Variants in MRPS5 observed in about 807,000 individuals in gnomAD.
MRPS5 encodes mitochondrial ribosomal protein S5.
Under a neutral mutation model 51.9 loss-of-function variants are expected in MRPS5, and 27 were observed. The ratio of observed to expected loss-of-function variants is 0.52; its 90% CI spans 0.38 to 0.72. The LOEUF (loss-of-function observed/expected upper bound fraction) is 0.72. Ranked by LOEUF, MRPS5 falls within the 30% of genes least tolerant of loss-of-function variation. The pLI, the probability that MRPS5 is intolerant of heterozygous loss-of-function variation, is 0.00. For missense variants in MRPS5, 570 were observed against 545.7 expected (o/e 1.04, Z -0.44); for synonymous variants, 196 against 193.2 (o/e 1.01, Z -0.12).
Position 95,115,223 on chromosome 2 carries a change from A to G in MRPS5, c.140-20T>C. On this transcript the variant is annotated intron_variant, in intron 2 of 11. Transcript: ENST00000272418. ...AATGGCCTGTAGGCAGATGGGTTAA[A>G]CTTTGAGTTAGATGTTTCACAGCTG... 4 of 1,561,664 alleles carry G rather than the reference A, an allele frequency of 2.6e-6. No individual in the cohort carries two copies. The highest frequency in any genetic ancestry group is 3.5e-6 in the Non-Finnish European group (4 of 1,158,440).
chr2:95,108,538 T>C, intron 4 of MRPS5, 130 bp from the exon 5 acceptor site: 2 of 758,162 alleles, frequency 2.6e-6, no homozygotes, highest in Non-Finnish European at 4.1e-6. Flanking sequence ...CATTATTAAC[T>C]TGGTAGGTCA....
At chr2:95,113,646 G>A (rs1676193568) in intron 3 of MRPS5, among the ~76,000 whole-genome samples, 1 of 152,146 alleles carries the variant, frequency 6.6e-6, no homozygotes, top group Non-Finnish European at 1.5e-5. Context: ...ACTGGAATCT[G>A]TAGTTGTGCA....
chr2:95,094,568 G>A (rs1408369731), intron 10 of MRPS5, among the ~76,000 whole-genome samples: 1 of 152,160 alleles, frequency 6.6e-6, no homozygotes, highest in Non-Finnish European at 1.5e-5. Flanking sequence ...GAAGAGAGTG[G>A]GGGCCAATAT....
At chr2:95,109,781 T>G (rs1676061281) in intron 4 of MRPS5, 135 bp downstream of exon 4, 4 of 983,488 alleles carry the variant, frequency 4.1e-6, no homozygotes, top group African/African-American at 3.3e-5. Flanking sequence ...GTAAGTCAAC[T>G]GGTTGAATTC....
rs1413707966 is a variant in MRPS5 at position 95,121,607 on chromosome 2, G to C, written c.58+127C>G. On this transcript the variant is annotated intron_variant, in intron 1 of 11. Transcript: ENST00000272418. ...ACACAGCGGCTCCGGCGGAAGGTGG[G>C]GGCACGGCGTGAAGAGCCGGGGGCC... 5.7e-6 allele frequency: 6 copies of C among 1,044,688 alleles called. No homozygotes were observed. In the African/African-American group the frequency reaches 6.7e-5, roughly 12 times the overall value. The allele number at this position is 1,044,688 out of a possible 1,614,324, so 64.7% of individuals were successfully genotyped here. A position where few individuals can be genotyped will look rare whatever the true frequency, so the allele number is the denominator to read the frequency against.
intron 3 of MRPS5, among the ~76,000 whole-genome samples, chr2:95,112,743 G>A (rs1274632539): frequency 5.3e-5 from 8 of 152,096 alleles, no homozygotes; most frequent in African/African-American, 1.7e-4. Flanking sequence ...AGTGGCTCAC[G>A]CCTGTAATCC....
At chr2:95,115,796 A>T (rs755114039) in intron 2 of MRPS5, among the ~76,000 whole-genome samples, 4 of 152,256 alleles carry the variant, frequency 2.6e-5, no homozygotes, top group Non-Finnish European at 4.4e-5. Context: ...TCAATAAAAA[A>T]GTAGACAGGA....
At chr2:95,103,269 T>A (rs1265654780) in intron 7 of MRPS5, among the ~76,000 whole-genome samples, 3 of 152,070 alleles carry the variant, frequency 2.0e-5, no homozygotes, top group African/African-American at 7.2e-5. Flanking sequence ...AGAAAAATAA[T>A]AACCACCCAA....
At chr2:95,092,554 T>TA (rs1233473004) in intron 10 of MRPS5, 2 of 152,232 alleles carry the variant, frequency 1.3e-5, no homozygotes, top group African/African-American at 4.8e-5. Context: ...AATGTGTATG[T>TA]ATTCAGGAAA....
In MRPS5 at chr2:95,110,012, A is replaced by C. The variant is rs1476507492; in HGVS notation, c.307T>G (p.Leu103Val). The change falls in exon 4 of 12, where the codon TTA becomes GTA. Residue 103 changes from leucine to valine, a missense_variant. By Grantham distance (32) the Leu-to-Val change is conservative (BLOSUM62 1). Coordinates refer to ENST00000272418, the MANE Select transcript of MRPS5 (RefSeq NM_031902.5). ...LTADELWKGA[L>V]AETGAGAKKG... is the part of the protein sequence containing the mutation. Reference sequence around the variant, plus strand: ...TTTGCTCCAGCACCAGTCTCTGCTAAAGCGCCTTTCCACAGCTCATCTGCA... The same window carrying C: ...TTTGCTCCAGCACCAGTCTCTGCTACAGCGCCTTTCCACAGCTCATCTGCA... 1.2e-6 allele frequency: 2 copies of C among 1,613,964 alleles called. No homozygotes were observed. The highest frequency in any genetic ancestry group is 4.5e-5 in the East Asian group (2 of 44,874).
intron 6 of MRPS5, 64 bp downstream of exon 6, chr2:95,106,359 T>TTCC: frequency 1.2e-6 from 1 of 835,276 alleles, no homozygotes. Context: ...TCTTGCCCTG[T>TTCC]CCCTGCCCCA....
At chr2:95,095,337 G>C (rs1264123135) in intron 10 of MRPS5, among the ~76,000 whole-genome samples, 1 of 152,148 alleles carries the variant, frequency 6.6e-6, no homozygotes, top group African/African-American at 2.4e-5. Context: ...GGTTAACAAG[G>C]ATATCCAGGA....
At chr2:95,116,223 A>C (rs1676281965) in intron 2 of MRPS5, among the ~76,000 whole-genome samples, 3 of 151,548 alleles carry the variant, frequency 2.0e-5, no homozygotes, top group African/African-American at 7.3e-5. Flanking sequence ...ATTTTCAATA[A>C]AATATCTTAT....
At chr2:95,098,099 T>A (rs1279501297) in intron 10 of MRPS5, among the ~76,000 whole-genome samples, 1 of 152,090 alleles carries the variant, frequency 6.6e-6, no homozygotes, top group South Asian at 2.1e-4. Flanking sequence ...CATGAAAAAA[T>A]GCTCATCATC....
chr2:95,119,269 T>C (rs773672102), intron 1 of MRPS5, among the ~76,000 whole-genome samples: 7 of 152,124 alleles, frequency 4.6e-5, no homozygotes, highest in Admixed American at 2.0e-4. Flanking sequence ...ATGCTTCTTA[T>C]TCATGAGGGA....
chr2:95,106,292 G>T, intron 6 of MRPS5, 131 bp downstream of exon 6: 2 of 762,040 alleles, frequency 2.6e-6, no homozygotes. Flanking sequence ...TTTTCCTTAC[G>T]CAGATCAGCT....
intron 10 of MRPS5, chr2:95,092,060 G>A (rs1675481557): frequency 6.6e-6 from 1 of 152,218 alleles, no homozygotes; most frequent in African/African-American, 2.4e-5. Flanking sequence ...CTGCTGATGA[G>A]CACTGAGATG....
Position 95,104,742 on chromosome 2 carries a change from A to T in MRPS5, c.673-12T>A. The T allele has an allele frequency of 6.2e-7, 1 of 1,612,422 alleles. No homozygotes were observed. The highest frequency in any genetic ancestry group is 8.5e-7 in the Non-Finnish European group (1 of 1,178,622). On this transcript the variant is annotated splice_polypyrimidine_tract_variant and intron_variant, in intron 6 of 11. Coordinates refer to ENST00000272418, the MANE Select transcript of MRPS5 (RefSeq NM_031902.5). The stretch of plus-strand genomic sequence containing the variant: ...AAAACGTTTCTTACCTAAAAGGCAA[A>T]ATGTCTCATAAATATTGCACATTAA...
chr2:95,106,530 A>G, intron 5 of MRPS5, 73 bp from the exon 6 acceptor site: 2 of 1,267,394 alleles, frequency 1.6e-6, no homozygotes, highest in South Asian at 1.2e-5. Flanking sequence ...TTTTCAACAC[A>G]GGCACCATCA....
Sources: allele counts gnomAD v4.1 joint callset (sites outside exome capture counted in the v4.1 genomes callset), GRCh38; gene constraint gnomAD v4.1.1; transcripts MANE v1.5; gene names NCBI Gene and HGNC (gene_info 2026-07-23, HGNC 2026-07-21).